The following ATL1 variants were observed in gnomAD, a reference collection of about 807,000 sequenced individuals.
ATL1 encodes the protein atlastin-1.
ATL1 carries 31 observed loss-of-function variants against 75.5 expected under a neutral mutation model. The observed-to-expected ratio is 0.41, with a 90% CI of 0.31 to 0.55. The LOEUF (loss-of-function observed/expected upper bound fraction) is 0.55. ATL1 is among the 20% of genes least tolerant of loss of function. ATL1 has a pLI of 0.27. For missense variants in ATL1, 405 were observed against 662.6 expected, an observed-to-expected ratio of 0.61 and a Z score of 4.27; for synonymous variants, 226 against 233.3, an observed-to-expected ratio of 0.97 and a Z score of 0.28.
intron 6 of ATL1, among the ~76,000 whole-genome samples, chr14:50,596,258 C>G (rs766490583): frequency 6.6e-5 from 10 of 151,808 alleles, no homozygotes; most frequent in Non-Finnish European, 1.0e-4. Flanking sequence ...CACTTGACCC[C>G]AAGAGTTTGA....
At position 50,591,055 on chromosome 14, in the gene ATL1, A is replaced by G. The variant is rs777484314; in HGVS notation, c.397A>G (p.Asn133Asp). 6.2e-7 allele frequency: 1 copy of G among 1,613,546 alleles called. No individual in the cohort carries two copies. The highest frequency in any genetic ancestry group is 1.1e-5 in the South Asian group (1 of 91,062). The change falls in exon 3 of 14, where the codon AAT (asparagine) becomes GAT (aspartate). Residue 133 changes from asparagine to aspartate, a missense_variant. Asn to Asp is a conservative substitution (Grantham distance 23, BLOSUM62 1). This residue lies in a region of ATL1 where 126 missense variants were observed against 172.0 expected (regional missense o/e 0.73). Transcript: ENST00000358385. The stretch of plus-strand genomic sequence containing the variant: ...GATATGGAGTGAAATCTTCCTTATC[A>G]ATAAACCTGATGGTAAAAAGGTATG... ...IQIWSEIFLINKPDGKKVAVL... is the reference protein window; with the variant it reads ...IQIWSEIFLIDKPDGKKVAVL...
intron 10 of ATL1, among the ~76,000 whole-genome samples, chr14:50,622,666 A>C (rs1407532123): frequency 1.3e-5 from 2 of 151,332 alleles, no homozygotes; most frequent in Non-Finnish European, 3.0e-5. Flanking sequence ...ACTCAGTCTC[A>C]AAAAAAAATA....
intron 6 of ATL1, among the ~76,000 whole-genome samples, chr14:50,606,020 G>A (rs1221148654): frequency 2.6e-5 from 4 of 151,968 alleles, no homozygotes; most frequent in African/African-American, 9.7e-5. Flanking sequence ...TTGTTTAGAA[G>A]GTCAGGGGAA....
intron 6 of ATL1, among the ~76,000 whole-genome samples, chr14:50,600,703 A>G (rs2140215002): frequency 6.6e-6 from 1 of 152,264 alleles, no homozygotes; most frequent in East Asian, 1.9e-4. Context: ...TCTCTCTGAT[A>G]AGTTAACAGC....
chr14:50,591,495 G>A, intron 3 of ATL1, 40 bp from the exon 4 acceptor site: 1 of 1,353,576 alleles, frequency 7.4e-7, no homozygotes, highest in African/African-American at 1.4e-5. Flanking sequence ...TGACCTAGAT[G>A]TTCTATAAAA....
intron 8 of ATL1, among the ~76,000 whole-genome samples, chr14:50,618,431 T>A (rs1416449933): frequency 6.6e-6 from 1 of 152,278 alleles, no homozygotes; most frequent in East Asian, 1.9e-4. Flanking sequence ...CAGTGAAAAT[T>A]GGTACAATGC....
At chr14:50,586,288 A>G (rs1255276287) in intron 1 of ATL1, among the ~76,000 whole-genome samples, 1 of 152,190 alleles carries the variant, frequency 6.6e-6, no homozygotes, top group East Asian at 1.9e-4. Context: ...GGCTTAAACA[A>G]CAAACATTTA....
chr14:50,534,661 A>G lies in ATL1; in HGVS notation c.-140+1294A>G, dbSNP rs150862753. 1.2e-3 allele frequency among the ~76,000 whole-genome samples: 188 copies of G among 152,376 alleles called. 1 individual carries two copies. The highest frequency in any genetic ancestry group is 2.3e-3 in the Non-Finnish European group (158 of 68,034). On this transcript the variant is annotated intron_variant, in intron 1 of 13. Coordinates refer to the ATL1 transcript ENST00000441560. Reference sequence around the variant, plus strand: ...ATCAACCTAGAGGCAGATAGCATGGAAAAAGTCAAGACTCTATGTGGTGGT... The same window carrying G: ...ATCAACCTAGAGGCAGATAGCATGGGAAAAGTCAAGACTCTATGTGGTGGT...
chr14:50,624,076 T>G (rs1356798865), intron 11 of ATL1, among the ~76,000 whole-genome samples: 1 of 151,988 alleles, frequency 6.6e-6, no homozygotes, highest in East Asian at 1.9e-4. Context: ...TGTTATGAAA[T>G]TAAAATTGCG....
chr14:50,593,791 A>C, intron 4 of ATL1, 55 bp from the exon 5 acceptor site: 1 of 1,154,048 alleles, frequency 8.7e-7, no homozygotes, highest in South Asian at 1.2e-5. Context: ...TGATGAAGTA[A>C]GTGCTTAGGA....
At chr14:50,621,948 G>A (rs1490364443) in intron 10 of ATL1, 49 bp downstream of exon 10, 1 of 1,254,232 alleles carries the variant, frequency 8.0e-7, no homozygotes, top group Non-Finnish European at 1.2e-6. Context: ...CTAAGGCTAA[G>A]ATTTCTGGCT....
At chr14:50,594,488 TA>T (rs1197686797) in intron 5 of ATL1, among the ~76,000 whole-genome samples, 1 of 151,964 alleles carries the variant, frequency 6.6e-6, no homozygotes, top group Non-Finnish European at 1.5e-5. Flanking sequence ...CACAGACATT[TA>T]AAAAAAACAC....
intron 1 of ATL1, among the ~76,000 whole-genome samples, chr14:50,547,443 G>A (rs914101017): frequency 2.6e-5 from 4 of 152,168 alleles, no homozygotes; most frequent in Non-Finnish European, 5.9e-5. Flanking sequence ...TAAAAACAAG[G>A]ACGGAGTCTG....
chr14:50,548,297 C>T (rs1232741700), intron 1 of ATL1, among the ~76,000 whole-genome samples: 1 of 152,074 alleles, frequency 6.6e-6, no homozygotes, highest in East Asian at 1.9e-4. Flanking sequence ...CATTGTACAC[C>T]CTAATGAAGA....
intron 2 of ATL1, among the ~76,000 whole-genome samples, chr14:50,589,547 G>A (rs1328831677): frequency 2.0e-5 from 3 of 152,194 alleles, no homozygotes; most frequent in Admixed American, 1.3e-4. Flanking sequence ...TTGGAAGTTA[G>A]AATAGATTTT....
intron 1 of ATL1, among the ~76,000 whole-genome samples, chr14:50,537,645 C>T (rs899309820): frequency 1.3e-5 from 2 of 152,362 alleles, no homozygotes; most frequent in Admixed American, 6.5e-5. Flanking sequence ...CTGCCCAAGA[C>T]CATGGGAACC....
At position 50,580,966 on chromosome 14, in the gene ATL1, A is replaced by G. The variant is rs1484864518; in HGVS notation, c.35-6865A>G. On this transcript the variant is annotated intron_variant, in intron 1 of 13. Coordinates refer to ENST00000358385, the MANE Select transcript of ATL1 (RefSeq NM_015915.5). Reference sequence around the variant, plus strand: ...TTGTTCATTTCATCAGAGTTATCAAATTTATTGTCATAAAATTACTCATAA... The same window carrying G: ...TTGTTCATTTCATCAGAGTTATCAAGTTTATTGTCATAAAATTACTCATAA... Among the ~76,000 whole-genome samples, 6 of 151,954 alleles carry G rather than the reference A, an allele frequency of 3.9e-5. No individual in the cohort carries two copies. The East Asian group carries it at 1.2e-3, about 29-fold the overall frequency.
At chr14:50,617,567 C>T (rs1407745760) in intron 8 of ATL1, among the ~76,000 whole-genome samples, 2 of 152,144 alleles carry the variant, frequency 1.3e-5, no homozygotes, top group Non-Finnish European at 2.9e-5. Flanking sequence ...ATTTATACAG[C>T]AATACTATAC....
At chr14:50,590,108 A>G (rs1053820012) in intron 2 of ATL1, among the ~76,000 whole-genome samples, 14 of 152,136 alleles carry the variant, frequency 9.2e-5, no homozygotes, top group Non-Finnish European at 1.9e-4. Context: ...CTCAAACTCC[A>G]CTTGCATCAG....
Sources: allele counts gnomAD v4.1 joint callset (sites outside exome capture counted in the v4.1 genomes callset), GRCh38; gene constraint gnomAD v4.1.1; regional missense constraint gnomAD v4.1.1; transcripts MANE v1.5; gene names NCBI Gene and HGNC (gene_info 2026-07-23, HGNC 2026-07-21).